The following ASTN1 variants were observed in gnomAD, a reference collection of about 807,000 sequenced individuals.
The protein encoded by ASTN1 is astrotactin 1.
Under a neutral mutation model 140.7 loss-of-function variants are expected in ASTN1, and 41 were observed. The observed-to-expected ratio is 0.29, with a 90% confidence interval of 0.23 to 0.38. The LOEUF (loss-of-function observed/expected upper bound fraction) is 0.38. ASTN1 is among the 10% of genes least tolerant of loss of function. The pLI is 1.00. For synonymous variants in ASTN1, 640 were observed against 652.2 expected, an observed-to-expected ratio of 0.98 and a Z score of 0.29; for missense variants, 1,479 against 1,678.8, an observed-to-expected ratio of 0.88 and a Z score of 2.08.
At chr1:177,087,665 G>A (rs1455093539) in intron 1 of ASTN1, among the ~76,000 whole-genome samples, 6 of 152,282 alleles carry the variant, frequency 3.9e-5, no homozygotes, top group South Asian at 2.1e-4. Context: ...GTCCGCAACC[G>A]TGTTTCACGC....
intron 1 of ASTN1, among the ~76,000 whole-genome samples, chr1:177,138,659 A>G (rs1682312179): frequency 6.6e-6 from 1 of 152,122 alleles, no homozygotes; most frequent in Non-Finnish European, 1.5e-5. Flanking sequence ...CAAGATTTAG[A>G]AGAGGTTTTG....
intron 11 of ASTN1, among the ~76,000 whole-genome samples, chr1:176,951,273 C>T (rs1227092724): frequency 2.6e-5 from 4 of 152,218 alleles, no homozygotes; most frequent in African/African-American, 4.8e-5. Context: ...GCTAGCCTCC[C>T]ACTAATCATA....
downstream of ASTN1, among the ~76,000 whole-genome samples, chr1:176,860,584 T>C (rs1667930516): frequency 6.6e-6 from 1 of 152,168 alleles, no homozygotes; most frequent in South Asian, 2.1e-4. Flanking sequence ...AAGACAGGAA[T>C]GTGTCTGGGA....
intron 16 of ASTN1, among the ~76,000 whole-genome samples, chr1:176,917,218 A>C (rs1670525141): frequency 6.6e-6 from 1 of 152,116 alleles, no homozygotes; most frequent in South Asian, 2.1e-4. Flanking sequence ...AGACTTGATG[A>C]ACAACTTGAG....
At position 176,942,849 on chromosome 1, in the gene ASTN1, TA is replaced by T. The variant is rs1557978096; in HGVS notation, c.2377+1041del. 2.5e-4 allele frequency among the ~76,000 whole-genome samples: 21 copies of T among 84,436 alleles called. 3 individuals are homozygous for T. The highest frequency in any genetic ancestry group is 3.7e-4 in the Non-Finnish European group (15 of 40,240). The allele number at this position is 84,436 out of a possible 152,430, so 55.4% of individuals were successfully genotyped here. ...ATATATATATATGTATATATATATA[TA>T]TATATATATATATATAGATTGATGT... On this transcript the variant is annotated intron_variant, in intron 14 of 22. Transcript: ENST00000361833.
chr1:176,917,187 G>C (rs979149482), intron 16 of ASTN1, among the ~76,000 whole-genome samples: 1 of 152,034 alleles, frequency 6.6e-6, no homozygotes, highest in African/African-American at 2.4e-5. Context: ...TGTAATTTCT[G>C]GTTTCCTAGA....
At position 176,888,332 on chromosome 1, in the gene ASTN1, T is replaced by G. The variant is rs201230513; in HGVS notation, c.2941-128A>C. 26 of 1,099,364 alleles carry G rather than the reference T, an allele frequency of 2.4e-5. No individual in the cohort carries two copies. In the East Asian group the frequency reaches 5.1e-4, roughly 22 times the overall value. 68.1% of individuals were successfully genotyped at this position (1,099,364 alleles called of 1,614,324 possible). ...TCCAGCAGCAGGTTGTGTCGCCACT[T>G]TATCATTGTCTCAAATTCTGATTCC... On this transcript the variant is annotated intron_variant, in intron 17 of 22. Coordinates refer to ENST00000361833, the MANE Select transcript of ASTN1 (RefSeq NM_004319.3).
intron 18 of ASTN1, 110 bp from the exon 19 acceptor site, chr1:176,884,600 A>G (rs1001565435): frequency 1.6e-6 from 2 of 1,248,194 alleles, no homozygotes; most frequent in Non-Finnish European, 2.2e-6. Context: ...ACCAACTACA[A>G]AAATGATCTC....
chr1:176,926,219 C>T (rs995803135), intron 16 of ASTN1, among the ~76,000 whole-genome samples: 5 of 147,454 alleles, frequency 3.4e-5, no homozygotes, highest in Non-Finnish European at 7.4e-5. Context: ...GAGGGTAAGA[C>T]TTAAATGATA....
At chr1:177,017,062 A>G (rs7536949) in intron 7 of ASTN1, among the ~76,000 whole-genome samples, 83,084 of 152,148 alleles carry the variant, frequency 0.55, 23,206 homozygotes, top group Non-Finnish European at 0.58. Flanking sequence ...CACAAAACAT[A>G]TAAAAATAAA....
intron 1 of ASTN1, among the ~76,000 whole-genome samples, chr1:177,102,590 A>G (rs963458257): frequency 6.6e-6 from 1 of 152,222 alleles, no homozygotes; most frequent in Admixed American, 6.5e-5. Context: ...TAATAAAATA[A>G]AACAAAGTAA....
Position 176,863,129 on chromosome 1 carries a change from C to G in ASTN1, c.*1155G>C, listed in dbSNP as rs1668020497. ...TAGATGTTAACTGCAATCAGTGGTGCTTCCCTACACAGAATCCCTGTGACT... is the reference window on the plus strand; with the variant it reads ...TAGATGTTAACTGCAATCAGTGGTGGTTCCCTACACAGAATCCCTGTGACT... On this transcript the variant is annotated 3_prime_UTR_variant, in exon 23 of 23. Transcript: ENST00000361833. 1.0e-6 allele frequency: 1 copy of G among 985,594 alleles called. No individual in the cohort carries two copies. Among genetic ancestry groups the G allele is most frequent in the Admixed American group, 6.2e-5 (1 of 16,260 alleles). 61.1% of individuals were successfully genotyped at this position (985,594 alleles called of 1,614,324 possible).
downstream of ASTN1, chr1:176,860,924 C>A: frequency 3.5e-6 from 1 of 289,302 alleles, no homozygotes; most frequent in Non-Finnish European, 5.1e-6. Context: ...ATATTTGATT[C>A]TTTTTTTTTC....
chr1:176,981,079 C>T (rs2101880417), intron 8 of ASTN1, among the ~76,000 whole-genome samples: 1 of 151,188 alleles, frequency 6.6e-6, no homozygotes, highest in East Asian at 2.0e-4. Flanking sequence ...GGGCGTGGTA[C>T]CAGGTGCCTG....
At chr1:177,022,573 T>C (rs1376342364) in intron 7 of ASTN1, among the ~76,000 whole-genome samples, 1 of 152,106 alleles carries the variant, frequency 6.6e-6, no homozygotes, top group African/African-American at 2.4e-5. Context: ...ATTTGAACCC[T>C]CCCTCAGGGA....
chr1:177,099,382 A>G (rs1317857794), intron 1 of ASTN1, among the ~76,000 whole-genome samples: 2 of 152,100 alleles, frequency 1.3e-5, no homozygotes, highest in Admixed American at 6.5e-5. Flanking sequence ...ATTTTCTATA[A>G]TGAACATATC....
intron 1 of ASTN1, among the ~76,000 whole-genome samples, chr1:177,108,089 C>T (rs1296904307): frequency 1.3e-5 from 2 of 152,072 alleles, no homozygotes; most frequent in Non-Finnish European, 2.9e-5. Flanking sequence ...GTGATTCACA[C>T]CTGTAATCTC....
At chr1:176,886,824 TTACTTCAG>T (rs1437881675) in intron 18 of ASTN1, among the ~76,000 whole-genome samples, 1 of 152,208 alleles carries the variant, frequency 6.6e-6, no homozygotes, top group Non-Finnish European at 1.5e-5. Context: ...GCCCTGATCT[TTACTTCAG>T]GATTTCTTTG....
intron 1 of ASTN1, among the ~76,000 whole-genome samples, chr1:177,153,688 CTTACA>C (rs1186540861): frequency 6.6e-6 from 1 of 152,098 alleles, no homozygotes; most frequent in African/African-American, 2.4e-5. Context: ...AATATCTTCA[CTTACA>C]TAAAATCCAA....
Sources: allele counts gnomAD v4.1 joint callset (sites outside exome capture counted in the v4.1 genomes callset), GRCh38; gene constraint gnomAD v4.1.1; transcripts MANE v1.5; gene names NCBI Gene and HGNC (gene_info 2026-07-23, HGNC 2026-07-21).